Variants in PBX1 observed in about 807,000 individuals in gnomAD.
The protein encoded by PBX1 is pre-B-cell leukemia transcription factor 1.
Under a neutral mutation model 53.4 loss-of-function variants are expected in PBX1, and 6 were observed. The observed-to-expected ratio is 0.11, with a 90% CI of 0.06 to 0.22. PBX1 has a LOEUF of 0.22. Ranked by LOEUF, PBX1 falls within the 10% of genes least tolerant of loss-of-function variation. The pLI is 1.00. For synonymous variants in PBX1, 204 were observed against 212.3 expected (o/e 0.96, Z 0.34); for missense variants, 251 against 551.4 (o/e 0.46, Z 5.46).
At chr1:164,761,167 G>A (rs1666792414) in intron 2 of PBX1, among the ~76,000 whole-genome samples, 1 of 152,066 alleles carries the variant, frequency 6.6e-6, no homozygotes, top group Non-Finnish European at 1.5e-5. Context: ...CACTACTTAG[G>A]GACACATTGG....
chr1:164,868,295 A>G (rs1398400537), intron 2 of PBX1, among the ~76,000 whole-genome samples: 1 of 152,038 alleles, frequency 6.6e-6, no homozygotes, highest in African/African-American at 2.4e-5. Context: ...GTGGGCAGGA[A>G]TTTGAGGACC....
intron 2 of PBX1, among the ~76,000 whole-genome samples, chr1:164,757,283 AGTACTGAT>A (rs1666579852): frequency 6.6e-6 from 1 of 152,228 alleles, no homozygotes; most frequent in Non-Finnish European, 1.5e-5. Context: ...TCAATTTCAG[AGTACTGAT>A]GAGAAGAACC....
At chr1:164,771,328 T>A (rs575759689) in intron 2 of PBX1, 1 of 152,194 alleles carries the variant, frequency 6.6e-6, no homozygotes, top group South Asian at 2.1e-4. Context: ...CTCTGTATCC[T>A]GGTAGCCAGA....
chr1:164,727,029 A>G (rs1156490230), intron 2 of PBX1, among the ~76,000 whole-genome samples: 1 of 152,146 alleles, frequency 6.6e-6, no homozygotes, highest in Non-Finnish European at 1.5e-5. Flanking sequence ...TTTTGGTGAG[A>G]TGCTTGAGCA....
intron 2 of PBX1, among the ~76,000 whole-genome samples, chr1:164,773,459 T>C (rs1296417330): frequency 1.3e-5 from 2 of 152,222 alleles, no homozygotes; most frequent in African/African-American, 4.8e-5. Flanking sequence ...ATTAGGTTTA[T>C]GCACTTATCA....
chr1:164,761,260 G>A (rs1247456943), intron 2 of PBX1, among the ~76,000 whole-genome samples: 2 of 152,196 alleles, frequency 1.3e-5, no homozygotes, highest in Non-Finnish European at 2.9e-5. Context: ...GAACACACAT[G>A]TAGAGCAAAT....
intron 5 of PBX1, among the ~76,000 whole-genome samples, chr1:164,808,974 C>T (rs1442152786): frequency 6.6e-6 from 1 of 152,118 alleles, no homozygotes; most frequent in Non-Finnish European, 1.5e-5. Flanking sequence ...CTAGTTTTTT[C>T]TAGGGCTGTC....
Position 164,850,868 on chromosome 1 carries a change from A to T in PBX1, c.*4192A>T. ...TTGATTCTGATTATCACAGCCAAGT[A>T]CTTTGTTTTATTTCTCCCTAATTAA... On this transcript the variant is annotated 3_prime_UTR_variant, in exon 9 of 9. Transcript: ENST00000420696. 4.7e-6 allele frequency: 1 copy of T among 211,936 alleles called. No homozygotes were observed. The highest frequency in any genetic ancestry group is 9.6e-6 in the Non-Finnish European group (1 of 104,484). 13.1% of individuals were successfully genotyped at this position (211,936 alleles called of 1,614,324 possible).
intron 2 of PBX1, among the ~76,000 whole-genome samples, chr1:164,658,548 A>G (rs1397870145): frequency 1.3e-5 from 2 of 152,198 alleles, no homozygotes; most frequent in Admixed American, 1.3e-4. Context: ...GCAGCTTGAT[A>G]TCCCCGAGTG....
chr1:164,813,534 A>G (rs1006507871), intron 6 of PBX1: 17 of 152,226 alleles, frequency 1.1e-4, no homozygotes, highest in African/African-American at 3.6e-4. Context: ...AATTATTAAG[A>G]ATTTCAGACC....
chr1:164,623,042 T>G (rs1418108966), intron 2 of PBX1, among the ~76,000 whole-genome samples: 1 of 152,144 alleles, frequency 6.6e-6, no homozygotes, highest in African/African-American at 2.4e-5. Context: ...CTTGAACTCC[T>G]GACCTCGTGA....
intron 2 of PBX1, among the ~76,000 whole-genome samples, chr1:164,755,392 G>A (rs530433300): frequency 1.3e-5 from 2 of 152,012 alleles, no homozygotes; most frequent in Admixed American, 6.5e-5. Flanking sequence ...CAGGTGATCC[G>A]CCCACCCTGG....
chr1:164,641,697 T>G (rs1659158194), intron 2 of PBX1: 1 of 152,262 alleles, frequency 6.6e-6, no homozygotes, highest in Non-Finnish European at 1.5e-5. Flanking sequence ...CTTACTCTTC[T>G]TTTGAATTTT....
At chr1:164,780,595 GC>G (rs1667884227) in intron 2 of PBX1, among the ~76,000 whole-genome samples, 1 of 152,092 alleles carries the variant, frequency 6.6e-6, no homozygotes, top group South Asian at 2.1e-4. Context: ...CATTCCTTAG[GC>G]CTCATTTCCC....
At chr1:164,625,119 G>A (rs1356029222) in intron 2 of PBX1, among the ~76,000 whole-genome samples, 4 of 152,148 alleles carry the variant, frequency 2.6e-5, no homozygotes, top group Admixed American at 2.0e-4. Context: ...GCTTATGGGA[G>A]CCTGAATTCC....
At chr1:164,882,774 T>C (rs1672691202) in intron 2 of PBX1, among the ~76,000 whole-genome samples, 1 of 152,120 alleles carries the variant, frequency 6.6e-6, no homozygotes, top group African/African-American at 2.4e-5. Context: ...ATCAGTAACA[T>C]CAAGGAGAGG....
At chr1:164,741,872 G>A (rs991777967) in intron 2 of PBX1, among the ~76,000 whole-genome samples, 5 of 151,762 alleles carry the variant, frequency 3.3e-5, no homozygotes, top group Non-Finnish European at 7.4e-5. Flanking sequence ...TTCCAAGAGG[G>A]ACTTGTAAAC....
chr1:164,849,221 G>T lies in PBX1; in HGVS notation c.*2545G>T, dbSNP rs1220986344. On this transcript the variant is annotated 3_prime_UTR_variant, in exon 9 of 9. Coordinates refer to ENST00000420696, the MANE Select transcript of PBX1 (RefSeq NM_002585.4). Reference sequence around the variant, plus strand: ...ATTGCCATGTTAAGTTAATGCAAAAGATCAGAACAGGGCTACATTTGCACA... The same window carrying T: ...ATTGCCATGTTAAGTTAATGCAAAATATCAGAACAGGGCTACATTTGCACA... 1.4e-6 allele frequency: 2 copies of T among 1,470,196 alleles called. No individual in the cohort carries two copies. The highest frequency in any genetic ancestry group is 1.4e-5 in the African/African-American group (1 of 71,722). 91.1% of individuals were successfully genotyped at this position (1,470,196 alleles called of 1,614,324 possible).
intron 2 of PBX1, among the ~76,000 whole-genome samples, chr1:164,640,725 T>A (rs886896867): frequency 1.3e-5 from 2 of 151,944 alleles, no homozygotes; most frequent in African/African-American, 4.8e-5. Flanking sequence ...CCTGGCTGAT[T>A]TTTTTGTATT....
Sources: allele counts gnomAD v4.1 joint callset (sites outside exome capture counted in the v4.1 genomes callset), GRCh38; gene constraint gnomAD v4.1.1; transcripts MANE v1.5; gene names NCBI Gene and HGNC (gene_info 2026-07-23, HGNC 2026-07-21).